SYN3: variants seen among roughly 807,000 people sequenced by gnomAD.
SYN3 encodes synapsin III.
SYN3 carries 35 observed loss-of-function variants against 65.8 expected under a neutral mutation model. The observed-to-expected ratio is 0.53, with a 90% CI of 0.41 to 0.70. The LOEUF (loss-of-function observed/expected upper bound fraction) is 0.70. SYN3 is among the 30% of genes least tolerant of loss of function. SYN3 has a pLI of 0.00. For missense variants in SYN3, 680 were observed against 749.0 expected (o/e 0.91, Z 1.08); for synonymous variants, 270 against 292.9 (o/e 0.92, Z 0.80).
At chr22:32,719,626 T>G (rs1211831068) in intron 6 of SYN3, among the ~76,000 whole-genome samples, 5 of 152,126 alleles carry the variant, frequency 3.3e-5, no homozygotes, top group Admixed American at 3.3e-4. Flanking sequence ...AAGGATCACT[T>G]GAGGCCAAGA....
At chr22:33,009,184 T>G (rs542913303) in intron 1 of SYN3, among the ~76,000 whole-genome samples, 1 of 152,116 alleles carries the variant, frequency 6.6e-6, no homozygotes, top group Non-Finnish European at 1.5e-5. Flanking sequence ...TAAGTGTATG[T>G]CTAAATAAGA....
At chr22:32,549,320 C>T (rs2058378023) in intron 7 of SYN3, among the ~76,000 whole-genome samples, 1 of 152,026 alleles carries the variant, frequency 6.6e-6, no homozygotes, top group South Asian at 2.1e-4. Flanking sequence ...GTGGCATGAT[C>T]ATGGCTTACT....
chr22:32,548,594 A>C (rs546660344), intron 7 of SYN3, among the ~76,000 whole-genome samples: 7 of 152,106 alleles, frequency 4.6e-5, no homozygotes, highest in African/African-American at 1.4e-4. Flanking sequence ...GGATGGTCTC[A>C]ATCTCCTGAT....
In SYN3 at chr22:32,763,943, CCT is replaced by C. The variant is rs201226251; in HGVS notation, c.711+100970_711+100971del. Among the ~76,000 whole-genome samples, 1,035 of 112,674 alleles carry C rather than the reference CCT, an allele frequency of 9.2e-3. 7 individuals are homozygous for C. Among genetic ancestry groups the C allele is most frequent in the African/African-American group, 0.018 (489 of 26,442 alleles). 73.9% of individuals were successfully genotyped at this position (112,674 alleles called of 152,430 possible). The stretch of plus-strand genomic sequence containing the variant: ...AAATTTGGTGTAGAAGCCCCCCCCC[CCT>C]TTTTTTTTTTGAGACTGAGTCTCAC... On this transcript the variant is annotated intron_variant, in intron 6 of 13. Transcript: ENST00000358763.
At chr22:33,014,160 C>G (rs1329668074) in intron 1 of SYN3, among the ~76,000 whole-genome samples, 2 of 151,912 alleles carry the variant, frequency 1.3e-5, no homozygotes, top group Non-Finnish European at 2.9e-5. Context: ...AAGCAATTCT[C>G]CTGCTTAGAA....
At chr22:32,632,548 T>C (rs1022492280) in intron 6 of SYN3, among the ~76,000 whole-genome samples, 7 of 152,172 alleles carry the variant, frequency 4.6e-5, no homozygotes, top group Non-Finnish European at 2.9e-5. Flanking sequence ...TGTGAACTAA[T>C]GGGAGATGGG....
chr22:32,992,532 G>C (rs1376831171), intron 2 of SYN3, among the ~76,000 whole-genome samples: 3 of 152,172 alleles, frequency 2.0e-5, no homozygotes, highest in Non-Finnish European at 4.4e-5. Context: ...ATTCATCTCT[G>C]CCAGGCGTGG....
At chr22:33,057,751 C>A (rs2054277761) in intron 1 of SYN3, 1 of 152,334 alleles carries the variant, frequency 6.6e-6, no homozygotes, top group Non-Finnish European at 1.5e-5. Context: ...GTATCCATAG[C>A]TATTCTCTGC....
At chr22:32,763,955 T>C (rs1602091011) in intron 6 of SYN3, among the ~76,000 whole-genome samples, 1 of 145,886 alleles carries the variant, frequency 6.9e-6, no homozygotes, top group Non-Finnish European at 1.5e-5. Flanking sequence ...TTTTTTTTTT[T>C]GAGACTGAGT....
intron 7 of SYN3, among the ~76,000 whole-genome samples, chr22:32,575,436 G>A (rs1293701101): frequency 6.6e-6 from 1 of 152,186 alleles, no homozygotes; most frequent in Non-Finnish European, 1.5e-5. Flanking sequence ...CAAGCATGGG[G>A]GTGGGGGTCT....
chr22:33,008,884 C>T (rs2053266256), intron 1 of SYN3, among the ~76,000 whole-genome samples: 1 of 123,478 alleles, frequency 8.1e-6, no homozygotes, highest in Non-Finnish European at 1.6e-5. Context: ...AAGATCACGT[C>T]ACTGCACTCC....
chr22:32,638,788 T>C (rs965887999), intron 6 of SYN3, among the ~76,000 whole-genome samples: 1 of 152,214 alleles, frequency 6.6e-6, no homozygotes, highest in Non-Finnish European at 1.5e-5. Context: ...GCTGATTGTT[T>C]ATTTAGCTGT....
intron 6 of SYN3, among the ~76,000 whole-genome samples, chr22:32,806,707 A>AT (rs1157905023): frequency 1.2e-4 from 18 of 152,368 alleles, no homozygotes; most frequent in African/African-American, 3.8e-4. Flanking sequence ...AAAAGCTACA[A>AT]GTATATGAAT....
At position 32,859,336 on chromosome 22, in the gene SYN3, G is replaced by C. The variant is rs757258891; in HGVS notation, c.711+5579C>G. 18 of 1,613,114 alleles carry C rather than the reference G, an allele frequency of 1.1e-5. No individual in the cohort carries two copies. Among genetic ancestry groups the C allele is most frequent in the South Asian group, 2.2e-5 (2 of 91,048 alleles). On this transcript the variant is annotated intron_variant, in intron 6 of 13. Transcript: ENST00000358763. Reference sequence around the variant, plus strand: ...CTACTGCAGCTGGTACCGAGGATGGGCCCCCCCGGATAAAAGCATCATCAA... The same window carrying C: ...CTACTGCAGCTGGTACCGAGGATGGCCCCCCCCGGATAAAAGCATCATCAA...
intron 6 of SYN3, among the ~76,000 whole-genome samples, chr22:32,739,239 T>G (rs2061372870): frequency 6.6e-6 from 1 of 152,070 alleles, no homozygotes; most frequent in Non-Finnish European, 1.5e-5. Flanking sequence ...GATCTGATGA[T>G]TTTAGAAGGG....
intron 4 of SYN3, among the ~76,000 whole-genome samples, chr22:32,874,888 G>A (rs535806655): frequency 9.8e-5 from 15 of 152,302 alleles, no homozygotes; most frequent in African/African-American, 3.6e-4. Context: ...TATCAAATCT[G>A]GGGGAAGGGG....
chr22:32,513,350 G>A lies in SYN3; in HGVS notation c.*342C>T, dbSNP rs1281736349. The stretch of plus-strand genomic sequence containing the variant: ...TTGCCCAAAGGTGAGCCAAACACTA[G>A]TAAGAATGTGAAAACTAGCCACTCG... On this transcript the variant is annotated 3_prime_UTR_variant, in exon 14 of 14. Transcript: ENST00000358763. 1 of 226,880 alleles carries A rather than the reference G, an allele frequency of 4.4e-6. No homozygotes were observed. The highest frequency in any genetic ancestry group is 8.7e-6 in the Non-Finnish European group (1 of 114,952). 14.1% of individuals were successfully genotyped at this position (226,880 alleles called of 1,614,324 possible). A position where few individuals can be genotyped will look rare whatever the true frequency, so the allele number is the denominator to read the frequency against.
At chr22:32,516,234 A>C (rs2057771824) in intron 13 of SYN3, among the ~76,000 whole-genome samples, 2 of 152,200 alleles carry the variant, frequency 1.3e-5, no homozygotes, top group African/African-American at 4.8e-5. Context: ...TATTTGCATA[A>C]GGAAGCACTG....
At chr22:32,542,675 C>T (rs949282785) in intron 7 of SYN3, among the ~76,000 whole-genome samples, 2 of 151,156 alleles carry the variant, frequency 1.3e-5, no homozygotes, top group African/African-American at 4.9e-5. Context: ...CAGGCACACA[C>T]TGGAGAGGCC....
Sources: gnomAD v4.1 joint callset for allele counts (sites outside exome capture counted in the v4.1 genomes callset) on GRCh38, gnomAD v4.1.1 for gene constraint, MANE v1.5 for transcripts, NCBI Gene and HGNC (gene_info 2026-07-23, HGNC 2026-07-21) for gene names.